The following GGTA1 variants were observed in gnomAD, a reference collection of about 807,000 sequenced individuals.
The protein encoded by GGTA1 is inactive N-acetyllactosaminide alpha-1,3-galactosyltransferase.
A neutral mutation model predicts 2.6 loss-of-function variants in GGTA1; 5 were observed. That is an observed-to-expected ratio of 1.92 (90% confidence interval 1.00 to 4.04). The LOEUF is 4.04. Ranked by LOEUF, GGTA1 falls within the 30% of genes most tolerant of loss-of-function variation. The pLI, the probability that GGTA1 is intolerant of heterozygous loss-of-function variation, is 0.00. For missense variants in GGTA1, 50 were observed against 16.7 expected (o/e 2.99, Z -3.47); for synonymous variants, 17 against 5.0 (o/e 3.38, Z -3.19).
intron 1 of GGTA1, among the ~76,000 whole-genome samples, chr9:121,481,152 C>CAAAAAAAAAAAAAAAAAAA: frequency 1.3e-5 from 1 of 78,560 alleles, no homozygotes; most frequent in Non-Finnish European, 2.4e-5. Flanking sequence ...GACACCATCT[C>CAAAAAAAAAAAAAAAAAAA]AAAAAAAAAA....
At chr9:121,497,548 C>T (rs1829019630) in intron 1 of GGTA1, among the ~76,000 whole-genome samples, 1 of 152,068 alleles carries the variant, frequency 6.6e-6, no homozygotes, top group Non-Finnish European at 1.5e-5. Flanking sequence ...AATGGGTTAG[C>T]CTGAGGGGCT....
At chr9:121,499,140 C>T (rs961746651) in intron 1 of GGTA1, among the ~76,000 whole-genome samples, 2 of 151,934 alleles carry the variant, frequency 1.3e-5, no homozygotes, top group African/African-American at 4.8e-5. Flanking sequence ...CTGACATCTC[C>T]CTCTCTATTC....
At chr9:121,458,661 TAAAG>T (rs1193122789) in intron 5 of GGTA1, among the ~76,000 whole-genome samples, 2 of 141,568 alleles carry the variant, frequency 1.4e-5, no homozygotes, top group Admixed American at 7.1e-5. Flanking sequence ...AATAAATAAA[TAAAG>T]GATAAGATAA....
Position 121,488,024 on chromosome 9 carries a change from A to G in GGTA1, c.-10+11626T>C, listed in dbSNP as rs1002662486. On this transcript the variant is annotated intron_variant, in intron 1 of 5. Transcript: ENST00000481799. ...AGCCACCGCGCCAGGCCTACCAGGT[A>G]TAGACTTTTTATAGCTGAAGGGAAC... Among the ~76,000 whole-genome samples the G allele has an allele frequency of 2.6e-5, 4 of 152,252 alleles. No individual in the cohort carries two copies. The East Asian group carries it at 7.7e-4, about 29-fold the overall frequency.
chr9:121,488,256 C>G (rs1484027794), intron 1 of GGTA1, among the ~76,000 whole-genome samples: 2 of 152,108 alleles, frequency 1.3e-5, no homozygotes. Context: ...CTCAAGCAAT[C>G]CTCCCGCCTT....
At chr9:121,490,071 T>G (rs748389580) in intron 1 of GGTA1, among the ~76,000 whole-genome samples, 6 of 152,206 alleles carry the variant, frequency 3.9e-5, no homozygotes, top group Non-Finnish European at 8.8e-5. Flanking sequence ...AGAATTTCTA[T>G]GTATCAATGT....
chr9:121,450,907 G>A (rs1466851109), downstream of GGTA1, among the ~76,000 whole-genome samples: 2 of 152,150 alleles, frequency 1.3e-5, no homozygotes, highest in Non-Finnish European at 2.9e-5. Context: ...CTGGGTTGGG[G>A]AAGGTTATCT....
intron 1 of GGTA1, chr9:121,494,706 A>T (rs1828950141): frequency 6.6e-6 from 1 of 152,236 alleles, no homozygotes; most frequent in Admixed American, 6.5e-5. Flanking sequence ...GGAGGGGTAA[A>T]CTGACTTAGG....
chr9:121,453,431 G>C (rs2064888687), downstream of GGTA1, among the ~76,000 whole-genome samples: 1 of 145,852 alleles, frequency 6.9e-6, no homozygotes, highest in Non-Finnish European at 1.5e-5. Context: ...AGAAAGCACA[G>C]AGCCGCAGGG....
chr9:121,462,037 T>TG (rs905185981), intron 3 of GGTA1, among the ~76,000 whole-genome samples: 1 of 152,088 alleles, frequency 6.6e-6, no homozygotes, highest in Non-Finnish European at 1.5e-5. Flanking sequence ...CTCTTCAAGG[T>TG]GGGGGGTCGG....
intron 5 of GGTA1, among the ~76,000 whole-genome samples, chr9:121,459,640 G>A (rs910122636): frequency 3.3e-5 from 5 of 152,052 alleles, no homozygotes; most frequent in African/African-American, 1.2e-4. Context: ...TCTGAGGCCT[G>A]TGTCTCCTCC....
rs1009807033 is a variant in GGTA1, at chr9:121,476,707, T to C, written c.-9-8776A>G. ...GAACCACCAACCAATATGCGCTGAATGCAGAGGCTGACTTACCAGGAGCTA... is the reference window on the plus strand; with the variant it reads ...GAACCACCAACCAATATGCGCTGAACGCAGAGGCTGACTTACCAGGAGCTA... On this transcript the variant is annotated intron_variant, in intron 1 of 5. Transcript: ENST00000481799. The surrounding 1 kb of genome is among the most constrained non-coding windows in gnomAD (Gnocchi z 4.6). Among the ~76,000 whole-genome samples the C allele has an allele frequency of 2.0e-5, 3 of 152,216 alleles. No homozygotes were observed. The highest frequency in any genetic ancestry group is 7.2e-5 in the African/African-American group (3 of 41,450).
At chr9:121,462,704 T>A (rs1183041197) in intron 3 of GGTA1, 1 of 152,098 alleles carries the variant, frequency 6.6e-6, no homozygotes, top group African/African-American at 2.4e-5. Context: ...CAAGGGCACA[T>A]GACATGTGGG....
chr9:121,488,141 G>GTT (rs1828800083), intron 1 of GGTA1, among the ~76,000 whole-genome samples: 5 of 151,438 alleles, frequency 3.3e-5, no homozygotes, highest in African/African-American at 9.7e-5. Flanking sequence ...GTGTGTGTGT[G>GTT]TTTAAAGTTT....
rs1329342499 is a variant in GGTA1, at chr9:121,476,610, C to T, written c.-9-8679G>A. ...CTGCTGCAGTGACCTACACGGGCCC[C>T]TTGGTGTGATGATCAAATGATAGGA... On this transcript the variant is annotated intron_variant, in intron 1 of 5. Coordinates refer to ENST00000481799, the MANE Select transcript of GGTA1 (RefSeq NM_001382585.1). The surrounding 1 kb of genome is among the most constrained non-coding windows in gnomAD (Gnocchi z 4.6). Among the ~76,000 whole-genome samples, 1 of 152,190 alleles carries T rather than the reference C, an allele frequency of 6.6e-6. No homozygotes were observed. The highest frequency in any genetic ancestry group is 2.4e-5 in the African/African-American group (1 of 41,438).
chr9:121,478,946 C>T, intron 1 of GGTA1: 2 of 422,018 alleles, frequency 4.7e-6, no homozygotes, highest in South Asian at 1.7e-5. Flanking sequence ...ACCCTGAGCC[C>T]CAAGACTTGC....
chr9:121,448,747 C>G (rs73661733), intron 7 of GGTA1, among the ~76,000 whole-genome samples: 296 of 152,208 alleles, frequency 1.9e-3, no homozygotes, highest in African/African-American at 6.8e-3. Flanking sequence ...CACAGCCCCA[C>G]CCCTCCACTA....
At chr9:121,483,284 A>G (rs1828693361) in intron 1 of GGTA1, among the ~76,000 whole-genome samples, 1 of 152,192 alleles carries the variant, frequency 6.6e-6, no homozygotes, top group African/African-American at 2.4e-5. Flanking sequence ...GTTGGAGCCA[A>G]TGCTGTTCTT....
intron 7 of GGTA1, among the ~76,000 whole-genome samples, chr9:121,448,757 A>G (rs1244654200): frequency 1.3e-5 from 2 of 152,090 alleles, no homozygotes; most frequent in East Asian, 1.9e-4. Flanking sequence ...CCCCTCCACT[A>G]TCAACATCCC....
Sources: allele counts gnomAD v4.1 joint callset (sites outside exome capture counted in the v4.1 genomes callset), GRCh38; gene constraint gnomAD v4.1.1; non-coding constraint Gnocchi (gnomAD v3.1); transcripts MANE v1.5; gene names NCBI Gene and HGNC (gene_info 2026-07-23, HGNC 2026-07-21).